TWIST2: variants seen among roughly 807,000 people sequenced by gnomAD.
TWIST2 encodes twist family bHLH transcription factor 2.
A neutral mutation model predicts 11.6 loss-of-function variants in TWIST2; 1 was observed. That is an observed-to-expected ratio of 0.09 (90% confidence interval 0.03 to 0.41). The LOEUF is 0.41. TWIST2 is among the 10% of genes least tolerant of loss of function. The pLI is 0.98. For missense variants in TWIST2, 168 were observed against 226.4 expected (o/e 0.74, Z 1.66); for synonymous variants, 87 against 96.6 (o/e 0.90, Z 0.58).
At chr2:238,883,459 A>G (rs2106365998) in intron 1 of TWIST2, among the ~76,000 whole-genome samples, 1 of 152,322 alleles carries the variant, frequency 6.6e-6, no homozygotes, top group East Asian at 1.9e-4. Context: ...TTAAACAGGA[A>G]AAATAAGGGA....
chr2:238,889,920 G>C (rs1574764982), intron 1 of TWIST2, among the ~76,000 whole-genome samples: 1 of 152,360 alleles, frequency 6.6e-6, no homozygotes, highest in East Asian at 1.9e-4. Flanking sequence ...TGTCGGCGAG[G>C]GTGCCCGGCT....
At chr2:238,858,497 A>G (rs961062507) in intron 1 of TWIST2, among the ~76,000 whole-genome samples, 3 of 152,296 alleles carry the variant, frequency 2.0e-5, no homozygotes, top group Middle Eastern at 3.4e-3. Context: ...TCTCTTGGTC[A>G]GAACCCATTG....
intron 1 of TWIST2, among the ~76,000 whole-genome samples, chr2:238,869,576 T>C (rs1046659649): frequency 6.6e-6 from 1 of 152,180 alleles, no homozygotes; most frequent in Admixed American, 6.5e-5. Context: ...GATATACAAA[T>C]GGCCAACAAG....
At chr2:238,907,167 G>A (rs1230032963) in intron 1 of TWIST2, among the ~76,000 whole-genome samples, 2 of 152,178 alleles carry the variant, frequency 1.3e-5, no homozygotes, top group African/African-American at 4.8e-5. Flanking sequence ...GCGCGGCGCG[G>A]GGCCCACCTG....
At chr2:238,870,404 T>C (rs375647124) in intron 1 of TWIST2, among the ~76,000 whole-genome samples, 2 of 696 alleles carry the variant, frequency 2.9e-3, no homozygotes, top group Admixed American at 0.017. Flanking sequence ...CACACACACA[T>C]CACATACCAC....
chr2:238,875,538 C>A (rs1692788892), intron 1 of TWIST2, among the ~76,000 whole-genome samples: 1 of 152,200 alleles, frequency 6.6e-6, no homozygotes, highest in African/African-American at 2.4e-5. Context: ...ACGTTACTGG[C>A]ATTGGTTTGC....
At chr2:238,872,321 G>T (rs924691148) in intron 1 of TWIST2, among the ~76,000 whole-genome samples, 4 of 152,228 alleles carry the variant, frequency 2.6e-5, no homozygotes, top group Admixed American at 1.3e-4. Context: ...TGAGGGCCAT[G>T]CCAGTGTAGG....
chr2:238,855,439 A>G (rs1046218889), intron 1 of TWIST2, among the ~76,000 whole-genome samples: 3 of 152,174 alleles, frequency 2.0e-5, no homozygotes, highest in African/African-American at 7.2e-5. Flanking sequence ...ACTGGTTTCT[A>G]ACTAGTCAAC....
In TWIST2 at chr2:238,848,171, T is replaced by TCGGCGCCC. The variant is rs1194531488; in HGVS notation, c.-35_-28dup. On this transcript the variant is annotated 5_prime_UTR_variant, in exon 1 of 2. Transcript: ENST00000612363. ...CGCGGGCTTGGCCAGCGGCGCGCGC[T>TCGGCGCCC]CGGCGCCCCGGCGCCCCCAGCCCCA... 3.3e-6 allele frequency: 4 copies of TCGGCGCCC among 1,198,856 alleles called. No homozygotes were observed. The highest frequency in any genetic ancestry group is 1.6e-5 in the African/African-American group (1 of 61,610). The allele number at this position is 1,198,856 out of a possible 1,614,324, so 74.3% of individuals were successfully genotyped here. A position where few individuals can be genotyped will look rare whatever the true frequency, so the allele number is the denominator to read the frequency against.
Position 238,866,194 on chromosome 2 carries a change from G to A in TWIST2, c.*35+17461G>A, listed in dbSNP as rs968474221. 3.9e-5 allele frequency among the ~76,000 whole-genome samples: 6 copies of A among 152,204 alleles called. No individual in the cohort carries two copies. The highest frequency in any genetic ancestry group is 4.8e-5 in the African/African-American group (2 of 41,458). Reference sequence around the variant, plus strand: ...GCACCGCCCAGGTTCCCCATGGCACGGGCCCTGCCTGCTCTTCTGTGAGCT... The same window carrying A: ...GCACCGCCCAGGTTCCCCATGGCACAGGCCCTGCCTGCTCTTCTGTGAGCT... On this transcript the variant is annotated intron_variant, in intron 1 of 1. Coordinates refer to ENST00000612363, the MANE Select transcript of TWIST2 (RefSeq NM_001271893.4). This position sits in a 1 kb window ranked among gnomAD's most constrained non-coding sequence, Gnocchi z 4.9.
intron 1 of TWIST2, among the ~76,000 whole-genome samples, chr2:238,849,059 A>C (rs1251803428): frequency 2.0e-5 from 3 of 151,166 alleles, no homozygotes; most frequent in Non-Finnish European, 2.9e-5. Flanking sequence ...TTGGCGGTGG[A>C]AGGAGCGAGC....
chr2:238,889,126 A>C (rs1230774847), intron 1 of TWIST2, among the ~76,000 whole-genome samples: 1 of 152,228 alleles, frequency 6.6e-6, no homozygotes, highest in African/African-American at 2.4e-5. Context: ...TCCTGAAGGC[A>C]ATCTTAGAAG....
rs1692566848 is a variant in TWIST2, at chr2:238,867,585, T to C, written c.*35+18852T>C. Among the ~76,000 whole-genome samples, 1 of 152,022 alleles carries C rather than the reference T, an allele frequency of 6.6e-6. No homozygotes were observed. Among genetic ancestry groups the C allele is most frequent in the South Asian group, 2.1e-4 (1 of 4,808 alleles). On this transcript the variant is annotated intron_variant, in intron 1 of 1. Coordinates refer to ENST00000612363, the MANE Select transcript of TWIST2 (RefSeq NM_001271893.4). The surrounding 1 kb of genome is among the most constrained non-coding windows in gnomAD (Gnocchi z 4.8). Reference sequence around the variant, plus strand: ...ATAAACAGGAAAGAATATTTTCACTTTGGCACAGGCCTGGCACGGAGGAGC... The same window carrying C: ...ATAAACAGGAAAGAATATTTTCACTCTGGCACAGGCCTGGCACGGAGGAGC...
At chr2:238,896,744 C>T (rs1693212001) in intron 1 of TWIST2, among the ~76,000 whole-genome samples, 1 of 152,214 alleles carries the variant, frequency 6.6e-6, no homozygotes, top group Non-Finnish European at 1.5e-5. Context: ...GGAATGGGGC[C>T]AGCCGCTGCC....
chr2:238,862,670 AC>A (rs1303127078), intron 1 of TWIST2, among the ~76,000 whole-genome samples: 1 of 152,228 alleles, frequency 6.6e-6, no homozygotes, highest in African/African-American at 2.4e-5. Flanking sequence ...GACTGGAAAT[AC>A]CCTTTGCATG....
chr2:238,853,448 GGA>G (rs375821278), intron 1 of TWIST2, among the ~76,000 whole-genome samples: 22,252 of 130,320 alleles, frequency 0.17, 1,376 homozygotes, highest in South Asian at 0.25. Flanking sequence ...AGGGAGAGAT[GGA>G]GAGAGAGAGA....
At chr2:238,889,225 C>T (rs558212605) in intron 1 of TWIST2, among the ~76,000 whole-genome samples, 2 of 152,192 alleles carry the variant, frequency 1.3e-5, no homozygotes, top group East Asian at 1.9e-4. Flanking sequence ...TGGGTAGGAA[C>T]AATGTGAGTG....
At chr2:238,853,874 G>A (rs978301875) in intron 1 of TWIST2, among the ~76,000 whole-genome samples, 1 of 152,220 alleles carries the variant, frequency 6.6e-6, no homozygotes, top group African/African-American at 2.4e-5. Flanking sequence ...CAACTGTGGT[G>A]TGATAATATG....
intron 1 of TWIST2, among the ~76,000 whole-genome samples, chr2:238,884,806 G>A (rs1693002361): frequency 6.6e-6 from 1 of 152,232 alleles, no homozygotes; most frequent in Admixed American, 6.5e-5. Flanking sequence ...AGCATGGCCG[G>A]AAAGTGCCTG....
Sources: allele counts gnomAD v4.1 joint callset (sites outside exome capture counted in the v4.1 genomes callset), GRCh38; gene constraint gnomAD v4.1.1; non-coding constraint Gnocchi (gnomAD v3.1); transcripts MANE v1.5; gene names NCBI Gene and HGNC (gene_info 2026-07-23, HGNC 2026-07-21).